Variants in NUP210 observed in about 807,000 individuals in gnomAD.
NUP210 encodes the protein nucleoporin 210.
NUP210 carries 151 observed loss-of-function variants against 196.0 expected under a neutral mutation model. That is an observed-to-expected ratio of 0.77 (90% CI 0.67 to 0.88). The LOEUF is 0.88. NUP210 is among the 40% of genes least tolerant of loss of function. NUP210 has a pLI of 0.00. For missense variants in NUP210, 2,314 were observed against 2,493.7 expected (o/e 0.93, Z 1.53); for synonymous variants, 1,070 against 1,052.7 (o/e 1.02, Z -0.32).
At chr3:13,392,901 A>C (rs1699537489) in intron 3 of NUP210, among the ~76,000 whole-genome samples, 1 of 151,454 alleles carries the variant, frequency 6.6e-6, no homozygotes, top group South Asian at 2.1e-4. Context: ...CGGTGAGGGG[A>C]GCCTGGGCCC....
chr3:13,398,769 T>C (rs1304118735), intron 2 of NUP210, among the ~76,000 whole-genome samples: 1 of 151,862 alleles, frequency 6.6e-6, no homozygotes, highest in African/African-American at 2.4e-5. Flanking sequence ...CAAAAAATTT[T>C]ACAAATTAGC....
At chr3:13,349,839 TGGAGGCC>T (rs1697905701) in intron 20 of NUP210, among the ~76,000 whole-genome samples, 1 of 152,206 alleles carries the variant, frequency 6.6e-6, no homozygotes, top group Non-Finnish European at 1.5e-5. Flanking sequence ...TGGGCTACAC[TGGAGGCC>T]GGCAAGTTTG....
chr3:13,406,181 G>A (rs150396442), intron 1 of NUP210, among the ~76,000 whole-genome samples: 1 of 152,170 alleles, frequency 6.6e-6, no homozygotes, highest in Admixed American at 6.5e-5. Context: ...GGGAAGTGTG[G>A]GTCCAGGGAA....
At chr3:13,396,383 G>T (rs6804328) in intron 3 of NUP210, among the ~76,000 whole-genome samples, 88,595 of 151,892 alleles carry the variant, frequency 0.58, 27,185 homozygotes, top group African/African-American at 0.78. Context: ...GACTTGGTTT[G>T]GGGGCAGATC....
At chr3:13,357,157 A>C (rs1486441534) in intron 16 of NUP210, among the ~76,000 whole-genome samples, 1 of 152,220 alleles carries the variant, frequency 6.6e-6, no homozygotes, top group East Asian at 1.9e-4. Flanking sequence ...GGAGTGGCGC[A>C]TGCACAGTGC....
chr3:13,418,990 G>T (rs1173792967), intron 1 of NUP210, among the ~76,000 whole-genome samples: 1 of 146,884 alleles, frequency 6.8e-6, no homozygotes. Context: ...AAGAAATAGG[G>T]CAAATAGTGC....
intron 10 of NUP210, 45 bp downstream of exon 10, chr3:13,376,246 T>A: frequency 6.2e-7 from 1 of 1,605,774 alleles, no homozygotes; most frequent in Non-Finnish European, 8.5e-7. Context: ...CTACAGAGGG[T>A]GGCTTCATAG....
chr3:13,362,238 C>T (rs1046477511), intron 14 of NUP210, among the ~76,000 whole-genome samples: 16 of 152,250 alleles, frequency 1.1e-4, no homozygotes, highest in East Asian at 3.9e-4. Flanking sequence ...CCCCTGCACG[C>T]GGTGGAAGGG....
At chr3:13,410,563 A>G (rs1381028933) in intron 1 of NUP210, among the ~76,000 whole-genome samples, 2 of 150,432 alleles carry the variant, frequency 1.3e-5, no homozygotes, top group African/African-American at 4.9e-5. Flanking sequence ...AGGTAGGAGG[A>G]TCACTTGAGA....
intron 1 of NUP210, among the ~76,000 whole-genome samples, chr3:13,408,201 T>C (rs973732129): frequency 1.3e-5 from 2 of 152,244 alleles, no homozygotes; most frequent in African/African-American, 4.8e-5. Context: ...TGAACCAACC[T>C]TGCATTCCTG....
At chr3:13,376,171 A>T in intron 10 of NUP210, 120 bp downstream of exon 10, 2 of 967,714 alleles carry the variant, frequency 2.1e-6, no homozygotes, top group South Asian at 1.5e-5. Flanking sequence ...TAGCCCAAAC[A>T]GGAAAAGGGA....
Position 13,388,334 on chromosome 3 carries a change from A to G in NUP210, c.653T>C (p.Leu218Pro). 1 of 1,611,760 alleles carries G rather than the reference A, an allele frequency of 6.2e-7. No individual in the cohort carries two copies. The highest frequency in any genetic ancestry group is 1.1e-5 in the South Asian group (1 of 90,710). The change falls in exon 5 of 40, where the codon CTC (leucine) becomes CCC (proline). Residue 218 changes from leucine (L) to proline (P), a missense_variant. Coordinates refer to ENST00000254508, the MANE Select transcript of NUP210 (RefSeq NM_024923.4). ...VSGMKTGSSK[L>P]KARIQEAVYK... ...GACAGCCTCCTGGATGCGAGCCTTGAGCTTGGAGCTCCCGGTCTTCATCCC... is the reference window on the plus strand; with the variant it reads ...GACAGCCTCCTGGATGCGAGCCTTGGGCTTGGAGCTCCCGGTCTTCATCCC...
Position 13,348,915 on chromosome 3 carries a change from CA to C in NUP210, c.2835+2963del. On this transcript the variant is annotated intron_variant, in intron 20 of 39. Coordinates refer to ENST00000254508, the MANE Select transcript of NUP210 (RefSeq NM_024923.4). This position sits in a 1 kb window ranked among gnomAD's most constrained non-coding sequence, Gnocchi z 4.0. ...AAACTGAATTAAAAAACTTATTAAA[CA>C]GGGGGTGTTTCACACAAAAATAGAG... 1.0e-6 allele frequency: 1 copy of C among 985,172 alleles called. No individual in the cohort carries two copies. The highest frequency in any genetic ancestry group is 4.7e-5 in the South Asian group (1 of 21,278). 61.0% of individuals were successfully genotyped at this position (985,172 alleles called of 1,614,324 possible).
intron 4 of NUP210, among the ~76,000 whole-genome samples, chr3:13,389,384 C>T (rs1699405697): frequency 6.6e-6 from 1 of 152,204 alleles, no homozygotes; most frequent in African/African-American, 2.4e-5. Flanking sequence ...AGTGGATCAA[C>T]CCACTGAGCT....
At chr3:13,352,942 G>C (rs1464973084) in intron 18 of NUP210, among the ~76,000 whole-genome samples, 2 of 152,068 alleles carry the variant, frequency 1.3e-5, no homozygotes, top group Non-Finnish European at 2.9e-5. Context: ...GGGGACATCA[G>C]GGCAGGGAGG....
chr3:13,370,856 C>A (rs1698707536), intron 13 of NUP210, among the ~76,000 whole-genome samples: 1 of 152,230 alleles, frequency 6.6e-6, no homozygotes, highest in African/African-American at 2.4e-5. Context: ...TAAACGCTGC[C>A]AGGATCACAT....
chr3:13,358,342 C>G lies in NUP210; in HGVS notation c.2208G>C (p.Ala736=). The G allele has an allele frequency of 6.2e-7, 1 of 1,613,886 alleles. No homozygotes were observed. The highest frequency in any genetic ancestry group is 1.1e-5 in the South Asian group (1 of 91,056). Residue 736 remains alanine (A), a synonymous_variant, in exon 16 of 40, where the codon GCG becomes GCC. Coordinates refer to ENST00000254508, the MANE Select transcript of NUP210 (RefSeq NM_024923.4). The part of the protein sequence containing the change: ...NKPSLTNPFP[A]VEPAVVKFVC... ...CGAACTTCACCACGGCAGGCTCCAC[C>G]GCAGGAAAGGGGTTGGTGAGGCTGG...
chr3:13,367,796 T>C (rs563450696), intron 13 of NUP210, among the ~76,000 whole-genome samples: 22 of 152,190 alleles, frequency 1.4e-4, no homozygotes, highest in Admixed American at 1.3e-3. Context: ...TATAGAGCAA[T>C]AGACTGACCC....
chr3:13,381,240 C>T (rs1699087690), intron 6 of NUP210, among the ~76,000 whole-genome samples: 1 of 152,144 alleles, frequency 6.6e-6, no homozygotes, highest in African/African-American at 2.4e-5. Context: ...TAGCTTCCTC[C>T]CTTGTTTACT....
Sources: allele counts gnomAD v4.1 joint callset (sites outside exome capture counted in the v4.1 genomes callset), GRCh38; gene constraint gnomAD v4.1.1; non-coding constraint Gnocchi (gnomAD v3.1); transcripts MANE v1.5; gene names NCBI Gene and HGNC (gene_info 2026-07-23, HGNC 2026-07-21).